Variants in SLC24A2 observed in about 807,000 individuals in gnomAD.
SLC24A2 encodes the protein solute carrier family 24 member 2.
In SLC24A2, 36 loss-of-function variants were observed where a neutral mutation model predicts 62.0. The observed-to-expected ratio is 0.58, with a 90% CI of 0.44 to 0.77. The LOEUF (loss-of-function observed/expected upper bound fraction) is 0.77, where lower values mean the gene tolerates loss of function less well. SLC24A2 is among the 30% of genes least tolerant of loss of function. The pLI, the probability that SLC24A2 is intolerant of heterozygous loss-of-function variation, is 0.00. For synonymous variants in SLC24A2, 358 were observed against 294.0 expected (o/e 1.22, Z -2.23); for missense variants, 846 against 817.9 (o/e 1.03, Z -0.42).
chr9:20,238,506 A>T, the SLC24A2 span, among the ~76,000 whole-genome samples: 34 of 152,228 alleles, frequency 2.2e-4, no homozygotes, highest in African/African-American at 8.2e-4. Context: ...TTGGCCAAGG[A>T]AATTATGATT....
the SLC24A2 span, among the ~76,000 whole-genome samples, chr9:19,838,877 G>A: frequency 5.9e-5 from 9 of 151,544 alleles, no homozygotes; most frequent in East Asian, 7.8e-4. Context: ...AACAAAAGCC[G>A]AAATTGACAA....
the SLC24A2 span, among the ~76,000 whole-genome samples, chr9:20,281,102 G>A: frequency 1.3e-5 from 2 of 152,010 alleles, no homozygotes; most frequent in African/African-American, 4.8e-5. Context: ...GCTGATTTTT[G>A]TATTTTTTGT....
the SLC24A2 span, among the ~76,000 whole-genome samples, chr9:20,190,074 T>C: frequency 6.6e-5 from 10 of 152,162 alleles, no homozygotes; most frequent in African/African-American, 2.4e-4. Flanking sequence ...TCTCCAGCGG[T>C]TCCCTGGGAG....
intron 2 of SLC24A2, among the ~76,000 whole-genome samples, chr9:19,629,286 T>C (rs754957155): frequency 2.6e-5 from 4 of 152,160 alleles, no homozygotes; most frequent in Non-Finnish European, 5.9e-5. Flanking sequence ...CTGCAGACAA[T>C]ACAACTTCAA....
intron 2 of SLC24A2, among the ~76,000 whole-genome samples, chr9:19,750,409 G>A (rs368548637): frequency 1.1e-4 from 17 of 151,906 alleles, no homozygotes; most frequent in East Asian, 5.8e-4. Flanking sequence ...GATAGCATGC[G>A]AAGACTCTAA....
chr9:20,274,232 T>G, the SLC24A2 span, among the ~76,000 whole-genome samples: 1 of 152,098 alleles, frequency 6.6e-6, no homozygotes, highest in Non-Finnish European at 1.5e-5. Context: ...ACTATGGATA[T>G]AGCCAAAACA....
chr9:20,226,878 G>A, the SLC24A2 span, among the ~76,000 whole-genome samples: 19 of 152,192 alleles, frequency 1.2e-4, no homozygotes, highest in Non-Finnish European at 2.1e-4. Context: ...TCCAGCCAGC[G>A]AAGTAGGCTC....
the SLC24A2 span, among the ~76,000 whole-genome samples, chr9:20,222,887 A>T: frequency 1.3e-5 from 2 of 152,134 alleles, no homozygotes; most frequent in Non-Finnish European, 2.9e-5. Flanking sequence ...CTGCTGTGAC[A>T]GCTTCGCTTT....
At chr9:20,062,088 G>A in the SLC24A2 span, among the ~76,000 whole-genome samples, 1 of 152,080 alleles carries the variant, frequency 6.6e-6, no homozygotes, top group African/African-American at 2.4e-5. Context: ...AAATACCCAG[G>A]CGTGGTGGCA....
chr9:20,115,232 C>T, the SLC24A2 span, among the ~76,000 whole-genome samples: 1 of 152,054 alleles, frequency 6.6e-6, no homozygotes, highest in South Asian at 2.1e-4. Context: ...AGGTAATGTC[C>T]CTCAGGAGAA....
chr9:19,605,223 C>A (rs1836950601), intron 4 of SLC24A2, among the ~76,000 whole-genome samples: 1 of 152,072 alleles, frequency 6.6e-6, no homozygotes, highest in African/African-American at 2.4e-5. Flanking sequence ...AATGTTTCAC[C>A]AGAATTAAAA....
At chr9:20,134,184 C>T in the SLC24A2 span, among the ~76,000 whole-genome samples, 1 of 152,114 alleles carries the variant, frequency 6.6e-6, no homozygotes, top group African/African-American at 2.4e-5. Flanking sequence ...CTTGGTGAGG[C>T]CACCTGAAAG....
chr9:19,886,128 T>C, the SLC24A2 span, among the ~76,000 whole-genome samples: 3 of 152,212 alleles, frequency 2.0e-5, no homozygotes, highest in East Asian at 5.8e-4. Flanking sequence ...ATACGATTGC[T>C]GGGTCGAATG....
chr9:19,782,047 C>T (rs896289812), intron 2 of SLC24A2, among the ~76,000 whole-genome samples: 17 of 152,132 alleles, frequency 1.1e-4, no homozygotes, highest in African/African-American at 4.1e-4. Flanking sequence ...GTAGTCTGGC[C>T]CTCCAACTAT....
intron 5 of SLC24A2, among the ~76,000 whole-genome samples, chr9:19,586,304 T>C (rs1338373803): frequency 6.6e-6 from 1 of 152,144 alleles, no homozygotes; most frequent in Non-Finnish European, 1.5e-5. Flanking sequence ...CCCTCAATGC[T>C]CACTGCCTAG....
At chr9:19,778,929 G>A (rs1822926417) in intron 2 of SLC24A2, among the ~76,000 whole-genome samples, 1 of 152,162 alleles carries the variant, frequency 6.6e-6, no homozygotes, top group Non-Finnish European at 1.5e-5. Flanking sequence ...AAAGTATGAT[G>A]AAATTAGAAA....
the SLC24A2 span, among the ~76,000 whole-genome samples, chr9:19,818,211 GC>G: frequency 1.3e-5 from 2 of 152,052 alleles, no homozygotes; most frequent in Non-Finnish European, 2.9e-5. Flanking sequence ...AGTTCATCCA[GC>G]TCTGTTTTTC....
the SLC24A2 span, among the ~76,000 whole-genome samples, chr9:20,220,971 T>C: frequency 6.6e-6 from 1 of 152,158 alleles, no homozygotes; most frequent in African/African-American, 2.4e-5. Flanking sequence ...TGCTGAATTC[T>C]TTCTATGTGT....
intron 2 of SLC24A2, among the ~76,000 whole-genome samples, chr9:19,628,922 G>C (rs113463498): frequency 1.3e-5 from 2 of 152,264 alleles, no homozygotes; most frequent in Middle Eastern, 6.8e-3. Context: ...TGCGAGGTGC[G>C]GGTTGGGCAA....
Sources: gnomAD v4.1 joint callset for allele counts (sites outside exome capture counted in the v4.1 genomes callset) on GRCh38, gnomAD v4.1.1 for gene constraint, MANE v1.5 for transcripts, NCBI Gene and HGNC (gene_info 2026-07-23, HGNC 2026-07-21) for gene names.